Variants in SPAG16 observed in about 807,000 individuals in gnomAD.
SPAG16 encodes sperm associated antigen 16.
In SPAG16, 86 loss-of-function variants were observed where a neutral mutation model predicts 80.4. That is an observed-to-expected ratio of 1.07 (90% CI 0.90 to 1.28). SPAG16 has a LOEUF of 1.28. Among genes scored for constraint, SPAG16 ranks in the 50% most tolerant of loss-of-function variants. The pLI is 0.00. For missense variants in SPAG16, 870 were observed against 765.3 expected, an observed-to-expected ratio of 1.14 and a Z score of -1.61; for synonymous variants, 294 against 265.9, an observed-to-expected ratio of 1.11 and a Z score of -1.03.
intron 11 of SPAG16, among the ~76,000 whole-genome samples, chr2:213,863,070 A>G (rs2075545385): frequency 6.6e-6 from 1 of 151,938 alleles, no homozygotes; most frequent in Non-Finnish European, 1.5e-5. Context: ...CAAGATATTA[A>G]AAAGAACAAA....
chr2:213,970,821 A>C (rs2045005932), intron 12 of SPAG16, among the ~76,000 whole-genome samples: 1 of 152,234 alleles, frequency 6.6e-6, no homozygotes, highest in South Asian at 2.1e-4. Flanking sequence ...TGGAGTGAAT[A>C]TTTGGCAGAG....
At chr2:213,616,058 A>G (rs1429187110) in intron 10 of SPAG16, among the ~76,000 whole-genome samples, 3 of 152,180 alleles carry the variant, frequency 2.0e-5, no homozygotes, top group Non-Finnish European at 4.4e-5. Context: ...TTAAAGTATG[A>G]TAATAATAAC....
intron 10 of SPAG16, among the ~76,000 whole-genome samples, chr2:213,681,596 T>C (rs1282606600): frequency 6.6e-6 from 1 of 152,096 alleles, no homozygotes; most frequent in East Asian, 1.9e-4. Flanking sequence ...TCCATTCTTA[T>C]TATACTCAGT....
intron 10 of SPAG16, among the ~76,000 whole-genome samples, chr2:213,547,169 T>C (rs545637448): frequency 1.9e-4 from 29 of 152,196 alleles, no homozygotes; most frequent in African/African-American, 6.7e-4. Context: ...ACCTAATATA[T>C]CATTGATATA....
chr2:213,442,748 CTT>C, intron 9 of SPAG16, among the ~76,000 whole-genome samples: 1 of 152,208 alleles, frequency 6.6e-6, no homozygotes, highest in South Asian at 2.1e-4. Context: ...AGGCTTATAT[CTT>C]TATAAAAATG....
chr2:213,528,744 G>A (rs748704150), intron 10 of SPAG16, among the ~76,000 whole-genome samples: 15 of 151,904 alleles, frequency 9.9e-5, no homozygotes, highest in Non-Finnish European at 2.1e-4. Context: ...AATTGTCTTG[G>A]GCTACAGTAA....
At chr2:213,819,764 G>T (rs187085708) in intron 10 of SPAG16, among the ~76,000 whole-genome samples, 2 of 145,902 alleles carry the variant, frequency 1.4e-5, no homozygotes, top group East Asian at 2.0e-4. Context: ...TGGTTGGTTG[G>T]TTTTTTTTTT....
intron 10 of SPAG16, among the ~76,000 whole-genome samples, chr2:213,710,294 A>G (rs1248307452): frequency 6.6e-6 from 1 of 152,138 alleles, no homozygotes; most frequent in Non-Finnish European, 1.5e-5. Flanking sequence ...TAAAAAAAAA[A>G]AAAAGAAGTT....
chr2:213,690,240 A>G (rs531041956), intron 10 of SPAG16, among the ~76,000 whole-genome samples: 2 of 152,324 alleles, frequency 1.3e-5, no homozygotes, highest in East Asian at 3.9e-4. Context: ...TTGTGCTGCT[A>G]TAACACAGAC....
intron 10 of SPAG16, among the ~76,000 whole-genome samples, chr2:213,713,921 T>C (rs949467463): frequency 4.6e-5 from 7 of 152,182 alleles, no homozygotes; most frequent in African/African-American, 1.7e-4. Flanking sequence ...TTACATTTTA[T>C]CCAGTTTGCT....
chr2:213,839,987 A>T (rs1425008814), intron 10 of SPAG16, among the ~76,000 whole-genome samples: 1 of 152,208 alleles, frequency 6.6e-6, no homozygotes, highest in Non-Finnish European at 1.5e-5. Flanking sequence ...CTCTGGAAAG[A>T]GAAAGCCATG....
intron 15 of SPAG16, among the ~76,000 whole-genome samples, chr2:214,250,757 T>TAGAGAG (rs1171199832): frequency 0.017 from 1,507 of 91,194 alleles, 19 homozygotes; most frequent in South Asian, 0.026. Context: ...TATATATATA[T>TAGAGAG]AGAGAGAGAG....
intron 14 of SPAG16, among the ~76,000 whole-genome samples, 172 bp from the exon 15 acceptor site, chr2:214,148,968 T>C (rs2055811814): frequency 6.6e-6 from 1 of 151,438 alleles, no homozygotes; most frequent in Non-Finnish European, 1.5e-5. Context: ...TAGAGGAATG[T>C]AATCTTATGG....
At chr2:213,439,839 A>G (rs1022228057) in intron 9 of SPAG16, among the ~76,000 whole-genome samples, 3 of 152,234 alleles carry the variant, frequency 2.0e-5, no homozygotes, top group Non-Finnish European at 4.4e-5. Flanking sequence ...ATCCAATTAT[A>G]CACTTAGATT....
At chr2:213,671,709 C>T (rs974967022) in intron 10 of SPAG16, among the ~76,000 whole-genome samples, 2 of 152,110 alleles carry the variant, frequency 1.3e-5, no homozygotes, top group Admixed American at 6.6e-5. Context: ...AGTTAAGCAC[C>T]GCACCTTTGG....
At chr2:214,340,021 A>G (rs566816031) in intron 15 of SPAG16, among the ~76,000 whole-genome samples, 7 of 152,294 alleles carry the variant, frequency 4.6e-5, no homozygotes, top group African/African-American at 1.7e-4. Flanking sequence ...GATAATAAAT[A>G]TGTGTTACCT....
chr2:213,767,179 C>T (rs1345940436), intron 10 of SPAG16, among the ~76,000 whole-genome samples: 3 of 152,156 alleles, frequency 2.0e-5, no homozygotes, highest in Non-Finnish European at 2.9e-5. Context: ...CATTGTTGGG[C>T]TTGTCTTTAC....
At chr2:214,026,354 GCTT>G (rs1300641776) in intron 13 of SPAG16, among the ~76,000 whole-genome samples, 2 of 151,194 alleles carry the variant, frequency 1.3e-5, no homozygotes, top group African/African-American at 2.4e-5. Flanking sequence ...AAAATCAATA[GCTT>G]CTTCTTTGCT....
chr2:213,542,443 G>A (rs1010740779), intron 10 of SPAG16, among the ~76,000 whole-genome samples: 3 of 152,082 alleles, frequency 2.0e-5, no homozygotes, highest in Non-Finnish European at 4.4e-5. Context: ...ACAAAATATT[G>A]TTATGTATTG....
Sources: gnomAD v4.1 joint callset for allele counts (sites outside exome capture counted in the v4.1 genomes callset) on GRCh38, gnomAD v4.1.1 for gene constraint, MANE v1.5 for transcripts, NCBI Gene and HGNC (gene_info 2026-07-23, HGNC 2026-07-21) for gene names.